ZNF728: variants seen among roughly 807,000 people sequenced by gnomAD.
ZNF728 encodes zinc finger protein 728.
ZNF728 carries 12 observed loss-of-function variants against 12.5 expected under a neutral mutation model. That is an observed-to-expected ratio of 0.96 (90% CI 0.61 to 1.55). The LOEUF (loss-of-function observed/expected upper bound fraction) is 1.55, where lower values mean the gene tolerates loss of function less well. ZNF728 is among the 40% of genes most tolerant of loss of function. ZNF728 has a pLI of 0.00. For missense variants in ZNF728, 692 were observed against 719.2 expected, an observed-to-expected ratio of 0.96 and a Z score of 0.43; for synonymous variants, 205 against 240.7, an observed-to-expected ratio of 0.85 and a Z score of 1.37.
rs1968798599 is a variant in ZNF728, at chr19:22,976,330, C to A, written c.1007G>T (p.Gly336Val). 1 of 1,613,406 alleles carries A rather than the reference C, an allele frequency of 6.2e-7. No individual in the cohort carries two copies. The highest frequency in any genetic ancestry group is 1.3e-5 in the African/African-American group (1 of 74,974). The change falls in exon 4 of 4, where the codon GGA becomes GTA. Residue 336 changes from glycine (G) to valine (V), a missense_variant. Around this residue, in one of 3 missense-constraint regions of ZNF728, gnomAD observed 440 missense variants for 459.6 expected, o/e 0.96. Coordinates refer to ENST00000594710, the MANE Select transcript of ZNF728 (RefSeq NM_001267716.2). ...NLMEHKRIHT[G>V]EKPCKCEECG... ...TTCTTCACATTTGCAGGGCTTCTCT[C>A]CAGTATGAATTCTCTTATGTTCCAT...
chr19:22,982,354 G>A (rs1479060364), intron 3 of ZNF728, among the ~76,000 whole-genome samples: 1 of 152,118 alleles, frequency 6.6e-6, no homozygotes, highest in Non-Finnish European at 1.5e-5. Flanking sequence ...CACTGCTCAA[G>A]AAAATAAGAG....
intron 1 of ZNF728, among the ~76,000 whole-genome samples, chr19:22,991,194 T>G (rs1968983768): frequency 6.6e-6 from 1 of 152,246 alleles, no homozygotes. Context: ...TGAGTAAGTC[T>G]GCATTTGGAA....
At chr19:22,978,360 C>T (rs1344013256) in intron 3 of ZNF728, among the ~76,000 whole-genome samples, 1 of 151,280 alleles carries the variant, frequency 6.6e-6, no homozygotes, top group Non-Finnish European at 1.5e-5. Flanking sequence ...CAAATCTGTC[C>T]TAATAGAAAA....
chr19:22,988,956 CAGGAGAA>C (rs1229534292), intron 1 of ZNF728, among the ~76,000 whole-genome samples: 1 of 144,178 alleles, frequency 6.9e-6, no homozygotes, highest in African/African-American at 2.6e-5. Flanking sequence ...GAGGCTGAGG[CAGGAGAA>C]TCGCTTGAAC....
intron 3 of ZNF728, among the ~76,000 whole-genome samples, chr19:22,979,226 T>G (rs923199984): frequency 2.0e-5 from 3 of 151,910 alleles, no homozygotes; most frequent in African/African-American, 7.3e-5. Flanking sequence ...TGCAAAAGTA[T>G]CAATAGCTGA....
In ZNF728 at chr19:23,001,597, A is replaced by G. The variant is rs539722731; in HGVS notation, c.3+1431T>C. On this transcript the variant is annotated intron_variant, in intron 1 of 3. Transcript: ENST00000594710. ...AGAAAAAACTGAAGGGTGGCTGAGG[A>G]CACATCTCCCTATAAAGTTTCCAAA... Among the ~76,000 whole-genome samples the G allele has an allele frequency of 6.0e-4, 92 of 152,342 alleles. 2 individuals carry two copies. In the South Asian group the frequency reaches 0.018, roughly 30 times the overall value.
rs1275266026 is a variant in ZNF728, at chr19:22,977,055, A to G, written c.282T>C (p.Ser94=). The G allele has an allele frequency of 6.2e-7, 1 of 1,612,754 alleles. No homozygotes were observed. Among genetic ancestry groups the G allele is most frequent in the East Asian group, 2.2e-5 (1 of 44,760 alleles). The change falls in exon 4 of 4, where the codon TCT becomes TCC. Residue 94 remains serine, a synonymous_variant. Coordinates refer to ENST00000594710, the MANE Select transcript of ZNF728 (RefSeq NM_001267716.2). The part of the protein sequence containing the change: ...DLWPEQGRED[S]FQKVILRRYE... The stretch of plus-strand genomic sequence containing the variant: ...ATCTTCTCAATATCACTTTTTGGAA[A>G]GAATCTTCTCTGCCCTGCTCTGGCC...
intron 3 of ZNF728, among the ~76,000 whole-genome samples, chr19:22,981,877 T>C (rs955501715): frequency 6.6e-6 from 1 of 152,102 alleles, no homozygotes; most frequent in African/African-American, 2.4e-5. Flanking sequence ...ATGGAACGTA[T>C]CTCAAAATAA....
At chr19:22,989,651 AAATTATAGTCT>A (rs1304790883) in intron 1 of ZNF728, among the ~76,000 whole-genome samples, 1 of 152,244 alleles carries the variant, frequency 6.6e-6, no homozygotes, top group African/African-American at 2.4e-5. Flanking sequence ...CCCAAAAGGT[AAATTATAGTCT>A]GAATTTAACC....
At chr19:23,001,688 CA>C (rs1324771142) in intron 1 of ZNF728, among the ~76,000 whole-genome samples, 1 of 152,112 alleles carries the variant, frequency 6.6e-6, no homozygotes, top group Non-Finnish European at 1.5e-5. Flanking sequence ...AAAATATTTA[CA>C]AACAGAAAAC....
Position 22,976,115 on chromosome 19 carries a change from A to G in ZNF728, c.1222T>C (p.Ser408Pro). ...ATCTTATGTTTAGTAAGTGTTGAGG[A>G]CCACTTAAAGGTTTTGCCACATTCT... is the stretch of plus-strand genomic sequence containing the variant. ...CEECGKTFKW[S>P]STLTKHKIIH... is the part of the protein sequence containing the mutation. The change falls in exon 4 of 4, where the codon TCC (serine) becomes CCC (proline). Residue 408 changes from serine to proline, a missense_variant. Around this residue, in one of 3 missense-constraint regions of ZNF728, gnomAD observed 8 missense variants for 24.4 expected, o/e 0.33. Transcript: ENST00000594710. 1 of 1,611,924 alleles carries G rather than the reference A, an allele frequency of 6.2e-7. No individual in the cohort carries two copies. The highest frequency in any genetic ancestry group is 8.5e-7 in the Non-Finnish European group (1 of 1,179,642).
chr19:22,988,026 C>T (rs1169061989), intron 2 of ZNF728, among the ~76,000 whole-genome samples: 1 of 152,064 alleles, frequency 6.6e-6, no homozygotes, highest in Non-Finnish European at 1.5e-5. Context: ...AGGTTATCTA[C>T]TGGAACATCT....
chr19:22,975,329 A>T lies in ZNF728; in HGVS notation c.*139T>A. 1 of 802,950 alleles carries T rather than the reference A, an allele frequency of 1.2e-6. No homozygotes were observed. The highest frequency in any genetic ancestry group is 2.0e-6 in the Non-Finnish European group (1 of 503,328). The allele number at this position is 802,950 out of a possible 1,614,324, so 49.7% of individuals were successfully genotyped here. On this transcript the variant is annotated 3_prime_UTR_variant, in exon 4 of 4. Transcript: ENST00000594710. ...AATTGTAGGAATTCCCTCCAGTATG[A>T]ATTACCTTATGTTTAGTAAGGATTG...
Position 22,975,568 on chromosome 19 carries a change from T to A in ZNF728, c.1769A>T (p.Lys590Ile). 1 of 1,596,576 alleles carries A rather than the reference T, an allele frequency of 6.3e-7. No homozygotes were observed. Among genetic ancestry groups the A allele is most frequent in the Non-Finnish European group, 8.5e-7 (1 of 1,172,478 alleles). The part of the protein sequence containing the change: ...NKHKKIHAGK[K>I]FYKCEECGKD... ...ACCACATTCTTCACATTTGTAGAAT[T>A]TCTTTCCAGCATGAATTTTCTTATG... is the stretch of plus-strand genomic sequence containing the variant. Residue 590 changes from lysine to isoleucine, a missense_variant, in exon 4 of 4, where the codon AAA becomes ATA. By Grantham distance (102) the Lys-to-Ile change is moderately radical. Transcript: ENST00000594710.
At chr19:22,998,367 A>AT (rs984927986) in intron 1 of ZNF728, among the ~76,000 whole-genome samples, 1 of 151,798 alleles carries the variant, frequency 6.6e-6, no homozygotes, top group African/African-American at 2.4e-5. Flanking sequence ...AAAAAAAAAA[A>AT]ACATAAAGAA....
chr19:22,993,896 C>CTT (rs143699754), intron 1 of ZNF728, among the ~76,000 whole-genome samples: 1 of 151,580 alleles, frequency 6.6e-6, no homozygotes, highest in Non-Finnish European at 1.5e-5. Context: ...CAGACAAAAA[C>CTT]TTTTTTTTTC....
intron 1 of ZNF728, among the ~76,000 whole-genome samples, chr19:22,991,579 G>A (rs1325533305): frequency 6.6e-6 from 1 of 151,890 alleles, no homozygotes; most frequent in Non-Finnish European, 1.5e-5. Context: ...GCAAGCACTG[G>A]TTTTAATAAA....
At position 22,975,996 on chromosome 19, in the gene ZNF728, A is replaced by G. The variant is rs773524432; in HGVS notation, c.1341T>C (p.Thr447=). The change falls in exon 4 of 4, where the codon ACT becomes ACC. Residue 447 remains threonine, a synonymous_variant. Transcript: ENST00000594710. ...CTTCACATTTGTAGTGTTTCTCTCC[A>G]GTATGAATTACTTTATGTTTAGTAA... ...SSLTKHKVIH[T]GEKHYKCEEC... is the part of the protein sequence containing the mutation. The G allele has an allele frequency of 2.5e-6, 4 of 1,612,298 alleles. No individual in the cohort carries two copies. The highest frequency in any genetic ancestry group is 1.7e-5 in the Admixed American group (1 of 59,920).
rs764096140 is a variant in ZNF728, at chr19:22,975,424, G to C, written c.*44C>G. 3 of 1,464,656 alleles carry C rather than the reference G, an allele frequency of 2.0e-6. No homozygotes were observed. The highest frequency in any genetic ancestry group is 2.7e-6 in the Non-Finnish European group (3 of 1,092,216). The allele number at this position is 1,464,656 out of a possible 1,614,324, so 90.7% of individuals were successfully genotyped here. On this transcript the variant is annotated 3_prime_UTR_variant, in exon 4 of 4. Coordinates refer to ENST00000594710, the MANE Select transcript of ZNF728 (RefSeq NM_001267716.2). ...TTCCCTCCTGTATAAATACCCTTAT[G>C]TTCAGTAAGGGTTAAGAACTAATTG...
Sources: allele counts gnomAD v4.1 joint callset (sites outside exome capture counted in the v4.1 genomes callset), GRCh38; gene constraint gnomAD v4.1.1; regional missense constraint gnomAD v4.1.1; transcripts MANE v1.5; gene names NCBI Gene and HGNC (gene_info 2026-07-23, HGNC 2026-07-21).